The following ZNF169 variants were observed in gnomAD, a reference collection of about 807,000 sequenced individuals.
ZNF169 encodes the protein zinc finger protein 169.
A neutral mutation model predicts 12.0 loss-of-function variants in ZNF169; 11 were observed. That is an observed-to-expected ratio of 0.92 (90% CI 0.58 to 1.52). The LOEUF (loss-of-function observed/expected upper bound fraction) is 1.52, where lower values mean the gene tolerates loss of function less well. Ranked by LOEUF, ZNF169 falls within the 40% of genes most tolerant of loss-of-function variation. The pLI, the probability that ZNF169 is intolerant of heterozygous loss-of-function variation, is 0.00. For synonymous variants in ZNF169, 302 were observed against 286.5 expected, an observed-to-expected ratio of 1.05 and a Z score of -0.55; for missense variants, 722 against 744.0, an observed-to-expected ratio of 0.97 and a Z score of 0.34.
intron 4 of ZNF169, chr9:94,299,603 T>C (rs1564093772): frequency 1.4e-6 from 2 of 1,385,192 alleles, no homozygotes; most frequent in Non-Finnish European, 1.9e-6. Context: ...TTTATAGAGC[T>C]GAAGCTGCCT....
intron 3 of ZNF169, chr9:94,292,757 T>C: frequency 3.2e-6 from 2 of 615,890 alleles, no homozygotes; most frequent in Non-Finnish European, 5.7e-6. Flanking sequence ...AATATTTTTA[T>C]TGACTCAAGC....
chr9:94,286,866 A>C (rs1204016032), intron 2 of ZNF169, among the ~76,000 whole-genome samples: 1 of 152,210 alleles, frequency 6.6e-6, no homozygotes, highest in Non-Finnish European at 1.5e-5. Context: ...CCAAAATGGC[A>C]GAAAAGACAC....
At position 94,270,737 on chromosome 9, in the gene ZNF169, T is replaced by TATATAATATTATATATTATA. The variant is rs1262184587; in HGVS notation, c.-55-8021_-55-8020insATATAATATTATATATTATA. 9.4e-4 allele frequency among the ~76,000 whole-genome samples: 30 copies of TATATAATATTATATATTATA among 32,010 alleles called. 2 individuals carry two copies. The highest frequency in any genetic ancestry group is 2.5e-3 in the East Asian group (2 of 802). 21.0% of individuals were successfully genotyped at this position (32,010 alleles called of 152,430 possible). ...ATATATAATATTATATATTATATAATTAATGTATTTATATAATATATAAAT... is the reference window on the plus strand; with the variant it reads ...ATATATAATATTATATATTATATAATATATAATATTATATATTATATAATGTATTTATATAATATATAAAT... On this transcript the variant is annotated intron_variant, in intron 1 of 4. Coordinates refer to ENST00000395395, the MANE Select transcript of ZNF169 (RefSeq NM_194320.4).
chr9:94,270,884 TA>T lies in ZNF169; in HGVS notation c.-55-7871del, dbSNP rs1483930954. Among the ~76,000 whole-genome samples, 56 of 40,778 alleles carry T rather than the reference TA, an allele frequency of 1.4e-3. 1 individual carries two copies. The highest frequency in any genetic ancestry group is 8.2e-3 in the Admixed American group (15 of 1,830). The allele number at this position is 40,778 out of a possible 152,430, so 26.8% of individuals were successfully genotyped here. ...ATAATAATATATATATTATATTATATAAATATATATAATAATATATATATTA... is the reference window on the plus strand; with the variant it reads ...ATAATAATATATATATTATATTATATAATATATATAATAATATATATATTA... On this transcript the variant is annotated intron_variant, in intron 1 of 4. Transcript: ENST00000395395.
intron 2 of ZNF169, among the ~76,000 whole-genome samples, chr9:94,286,879 T>G (rs1830728215): frequency 6.6e-6 from 1 of 152,150 alleles, no homozygotes; most frequent in African/African-American, 2.4e-5. Context: ...AAAGACACAG[T>G]GAACCCACCC....
chr9:94,301,238 T>G lies in ZNF169; in HGVS notation c.1680T>G (p.His560Gln). The change falls in exon 5 of 5, where the codon CAT (histidine) becomes CAG (glutamine). Residue 560 changes from histidine to glutamine, a missense_variant. Physicochemically the swap from His to Gln is conservative, Grantham distance 24 (BLOSUM62 0). Coordinates refer to ENST00000395395, the MANE Select transcript of ZNF169 (RefSeq NM_194320.4). ...GFGFKSALIR[H>Q]QRTHSGEKPY... ...GCTTTAAGTCTGCCCTCATCCGACA[T>G]CAGCGGACCCATTCTGGGGAGAAGC... The G allele has an allele frequency of 1.2e-6, 2 of 1,610,418 alleles. No homozygotes were observed. Among genetic ancestry groups the G allele is most frequent in the East Asian group, 4.5e-5 (2 of 44,626 alleles).
intron 1 of ZNF169, among the ~76,000 whole-genome samples, chr9:94,261,423 C>T (rs886408750): frequency 2.0e-5 from 3 of 152,170 alleles, no homozygotes; most frequent in African/African-American, 7.2e-5. Context: ...CAAGCGTGAG[C>T]CACTGCGCCC....
chr9:94,267,449 C>T (rs1830314197), intron 1 of ZNF169, among the ~76,000 whole-genome samples: 1 of 152,154 alleles, frequency 6.6e-6, no homozygotes, highest in African/African-American at 2.4e-5. Flanking sequence ...AAAACAGATT[C>T]TTATTGCACT....
At chr9:94,264,789 C>T (rs1474806554) in intron 1 of ZNF169, among the ~76,000 whole-genome samples, 2 of 152,104 alleles carry the variant, frequency 1.3e-5, no homozygotes, top group Non-Finnish European at 2.9e-5. Context: ...TAAATGAAAT[C>T]ATATAGTACG....
intron 1 of ZNF169, among the ~76,000 whole-genome samples, chr9:94,277,800 C>G (rs924521077): frequency 4.5e-4 from 68 of 151,790 alleles, no homozygotes; most frequent in African/African-American, 1.6e-3. Flanking sequence ...GGCGTGATGG[C>G]GGGCGCCTGT....
intron 2 of ZNF169, chr9:94,288,550 T>A: frequency 2.0e-6 from 1 of 512,784 alleles, no homozygotes; most frequent in South Asian, 1.7e-5. Flanking sequence ...AGCACAGCCA[T>A]CTTCTCAGAG....
chr9:94,268,972 G>C (rs1587670161), intron 1 of ZNF169, among the ~76,000 whole-genome samples: 2 of 151,462 alleles, frequency 1.3e-5, no homozygotes. Context: ...AAACATGAAG[G>C]CCTTTTAAAT....
chr9:94,293,005 A>G lies in ZNF169; in HGVS notation c.192A>G (p.Glu64=). Reference sequence around the variant, plus strand: ...CATTTTCCAAACCAAAACTCATCGAACAGCTGGAGCAAGGCGACGAACCTT... The same window carrying G: ...CATTTTCCAAACCAAAACTCATCGAGCAGCTGGAGCAAGGCGACGAACCTT... ...GIAFSKPKLI[E]QLEQGDEPWR... Residue 64 remains glutamate, a synonymous_variant, in exon 4 of 5, where the codon GAA becomes GAG. Coordinates refer to ENST00000395395, the MANE Select transcript of ZNF169 (RefSeq NM_194320.4). The G allele has an allele frequency of 6.2e-7, 1 of 1,613,422 alleles. No homozygotes were observed. The highest frequency in any genetic ancestry group is 8.5e-7 in the Non-Finnish European group (1 of 1,179,692).
intron 2 of ZNF169, among the ~76,000 whole-genome samples, chr9:94,289,636 A>G (rs1474178031): frequency 6.6e-6 from 1 of 152,170 alleles, no homozygotes; most frequent in Non-Finnish European, 1.5e-5. Context: ...CTAAAAATAC[A>G]AAAATTAGCT....
At chr9:94,284,002 A>C (rs1830681372) in intron 2 of ZNF169, among the ~76,000 whole-genome samples, 1 of 136,606 alleles carries the variant, frequency 7.3e-6, no homozygotes, top group Non-Finnish European at 1.6e-5. Flanking sequence ...AACCCAGTAG[A>C]TGGAGGTTGC....
chr9:94,271,326 A>C (rs1042777892), intron 1 of ZNF169, among the ~76,000 whole-genome samples: 1 of 151,728 alleles, frequency 6.6e-6, no homozygotes, highest in South Asian at 2.1e-4. Context: ...TGAACTCCTG[A>C]GTTCAAGCAA....
chr9:94,266,656 G>A (rs1373190746), intron 1 of ZNF169, among the ~76,000 whole-genome samples: 1 of 152,104 alleles, frequency 6.6e-6, no homozygotes, highest in African/African-American at 2.4e-5. Flanking sequence ...GGAAAAAATT[G>A]AAAACATTAT....
At chr9:94,283,917 A>G (rs567910345) in intron 2 of ZNF169, among the ~76,000 whole-genome samples, 2 of 151,074 alleles carry the variant, frequency 1.3e-5, no homozygotes, top group Non-Finnish European at 3.0e-5. Context: ...AAAAATACAA[A>G]AAAAATTAGC....
intron 2 of ZNF169, among the ~76,000 whole-genome samples, chr9:94,282,496 G>C (rs1168358905): frequency 6.6e-6 from 1 of 152,192 alleles, no homozygotes; most frequent in Non-Finnish European, 1.5e-5. Flanking sequence ...ATACGTGAGA[G>C]GGACAGTTAC....
Sources: allele counts gnomAD v4.1 joint callset (sites outside exome capture counted in the v4.1 genomes callset), GRCh38; gene constraint gnomAD v4.1.1; transcripts MANE v1.5; gene names NCBI Gene and HGNC (gene_info 2026-07-23, HGNC 2026-07-21).